The following AGMO variants were observed in gnomAD, a reference collection of about 807,000 sequenced individuals.
AGMO encodes the protein glyceryl-ether monooxygenase.
Under a neutral mutation model 60.2 loss-of-function variants are expected in AGMO, and 75 were observed. The observed-to-expected ratio is 1.25, with a 90% CI of 1.03 to 1.51. The LOEUF (loss-of-function observed/expected upper bound fraction) is 1.51, where lower values mean the gene tolerates loss of function less well. Ranked by LOEUF, AGMO falls within the 40% of genes most tolerant of loss-of-function variation. The pLI is 0.00. For missense variants in AGMO, 763 were observed against 525.5 expected (o/e 1.45, Z -4.42); for synonymous variants, 261 against 177.1 (o/e 1.47, Z -3.76).
chr7:15,228,705 T>C (rs1050699418), intron 12 of AGMO, among the ~76,000 whole-genome samples: 2 of 152,184 alleles, frequency 1.3e-5, no homozygotes, highest in African/African-American at 4.8e-5. Flanking sequence ...CATTTATTCA[T>C]GTTTTGCCAT....
At chr7:15,555,213 A>T (rs1044319460) in intron 2 of AGMO, among the ~76,000 whole-genome samples, 23 of 150,556 alleles carry the variant, frequency 1.5e-4, no homozygotes, top group Admixed American at 1.1e-3. Flanking sequence ...TTTAAAAAAG[A>T]TTATTACAAA....
chr7:15,537,752 A>G (rs1240676659), intron 3 of AGMO, among the ~76,000 whole-genome samples: 2 of 152,064 alleles, frequency 1.3e-5, no homozygotes, highest in Non-Finnish European at 2.9e-5. Context: ...TGTACTTTCT[A>G]TACATTATCT....
At chr7:15,551,984 G>A (rs1176106668) in intron 2 of AGMO, among the ~76,000 whole-genome samples, 1 of 151,768 alleles carries the variant, frequency 6.6e-6, no homozygotes, top group African/African-American at 2.4e-5. Flanking sequence ...ATAGATCAAT[G>A]GAACAGAACA....
At chr7:15,202,489 A>AAC (rs1277846759) in intron 12 of AGMO, among the ~76,000 whole-genome samples, 17 of 132,052 alleles carry the variant, frequency 1.3e-4, no homozygotes, top group African/African-American at 5.0e-4. Context: ...AAAAAAAAAA[A>AAC]CCCTCCCAAA....
At chr7:15,405,637 CAT>C (rs1241263336) in intron 5 of AGMO, among the ~76,000 whole-genome samples, 2 of 151,890 alleles carry the variant, frequency 1.3e-5, no homozygotes, top group African/African-American at 4.8e-5. Flanking sequence ...TCATTGAAAA[CAT>C]ATTATGTTCC....
the AGMO span, among the ~76,000 whole-genome samples, chr7:15,137,447 C>T: frequency 6.6e-6 from 1 of 152,064 alleles, no homozygotes; most frequent in African/African-American, 2.4e-5. Context: ...TAGTGTTGTA[C>T]TTTCAGTACT....
At position 15,319,628 on chromosome 7, in the gene AGMO, C is replaced by T. The variant is rs529559258; in HGVS notation, c.1263+45886G>A. 5.3e-5 allele frequency among the ~76,000 whole-genome samples: 8 copies of T among 152,104 alleles called. No individual in the cohort carries two copies. In the East Asian group the frequency reaches 1.6e-3, roughly 29 times the overall value. On this transcript the variant is annotated intron_variant, in intron 12 of 12. Coordinates refer to ENST00000342526, the MANE Select transcript of AGMO (RefSeq NM_001004320.2). ...GGGAAAGTGACGTTTTCCGAAGACT[C>T]AAACTTATTTCCATGAATTAAACTT...
chr7:15,155,769 C>A, the AGMO span, among the ~76,000 whole-genome samples: 100 of 152,134 alleles, frequency 6.6e-4, 1 homozygote, highest in Middle Eastern at 0.01. Flanking sequence ...GGCCGATGTT[C>A]CTTTAATTTT....
intron 12 of AGMO, among the ~76,000 whole-genome samples, chr7:15,343,185 C>G (rs1337846996): frequency 6.6e-6 from 1 of 152,138 alleles, no homozygotes; most frequent in Non-Finnish European, 1.5e-5. Flanking sequence ...TATCTCCCCA[C>G]TCGCCACTGT....
chr7:15,363,932 AT>A (rs1161272813), intron 12 of AGMO, among the ~76,000 whole-genome samples: 1 of 151,926 alleles, frequency 6.6e-6, no homozygotes, highest in Admixed American at 6.6e-5. Flanking sequence ...TGATTTTATG[AT>A]TTTTTTCAGC....
At chr7:15,186,553 G>A in the AGMO span, among the ~76,000 whole-genome samples, 9 of 152,232 alleles carry the variant, frequency 5.9e-5, no homozygotes, top group Non-Finnish European at 1.2e-4. Context: ...CCCAACTTAG[G>A]CTCTATAGAG....
intron 12 of AGMO, among the ~76,000 whole-genome samples, chr7:15,223,161 CA>C (rs1281076382): frequency 6.6e-6 from 1 of 151,858 alleles, no homozygotes; most frequent in African/African-American, 2.4e-5. Context: ...AGTGAGTGCT[CA>C]AAAGGCTATT....
At chr7:15,164,066 C>G in the AGMO span, among the ~76,000 whole-genome samples, 1 of 151,986 alleles carries the variant, frequency 6.6e-6, no homozygotes, top group East Asian at 1.9e-4. Flanking sequence ...ATGAATAAAA[C>G]AGAATAGAGA....
At position 15,372,634 on chromosome 7, in the gene AGMO, G is replaced by GA. The variant is rs1174471643; in HGVS notation, c.1075-6413dup. Among the ~76,000 whole-genome samples, 90 of 149,396 alleles carry GA rather than the reference G, an allele frequency of 6.0e-4. 1 individual carries two copies. Among genetic ancestry groups the GA allele is most frequent in the South Asian group, 8.5e-4 (4 of 4,726 alleles). On this transcript the variant is annotated intron_variant, in intron 10 of 12. Coordinates refer to ENST00000342526, the MANE Select transcript of AGMO (RefSeq NM_001004320.2). ...ACTGGCCAACTACACTAGAGCAAAA[G>GA]AAAAAAAAATAGAATTTATAGGTTT...
intron 3 of AGMO, among the ~76,000 whole-genome samples, chr7:15,463,642 AT>A (rs987080851): frequency 6.6e-6 from 1 of 152,012 alleles, no homozygotes; most frequent in Non-Finnish European, 1.5e-5. Flanking sequence ...ACATCCAGGT[AT>A]TTTTTTTCAA....
chr7:15,225,743 TTAAA>T (rs1288369770), intron 12 of AGMO, among the ~76,000 whole-genome samples: 2 of 152,078 alleles, frequency 1.3e-5, no homozygotes, highest in African/African-American at 4.8e-5. Context: ...GCTCATAAGA[TTAAA>T]TAAATATATC....
intron 12 of AGMO, among the ~76,000 whole-genome samples, chr7:15,354,521 T>TAGAG (rs1782444004): frequency 1.8e-5 from 2 of 108,230 alleles, no homozygotes; most frequent in African/African-American, 6.3e-5. Context: ...TATATATATA[T>TAGAG]ATATATATAT....
At chr7:15,289,228 C>T (rs975949777) in intron 12 of AGMO, among the ~76,000 whole-genome samples, 1 of 151,688 alleles carries the variant, frequency 6.6e-6, no homozygotes, top group Middle Eastern at 3.4e-3. Context: ...TCAATAAGGA[C>T]GTTATTTTTA....
intron 2 of AGMO, among the ~76,000 whole-genome samples, chr7:15,555,376 A>T (rs4552801): frequency 0.14 from 21,198 of 149,264 alleles, 5,182 homozygotes; most frequent in African/African-American, 0.5. Context: ...TTTCTGGGAA[A>T]TTTTGTTATT....
Sources: gnomAD v4.1 joint callset for allele counts (sites outside exome capture counted in the v4.1 genomes callset) on GRCh38, gnomAD v4.1.1 for gene constraint, MANE v1.5 for transcripts, NCBI Gene and HGNC (gene_info 2026-07-23, HGNC 2026-07-21) for gene names.